The following ZBTB16 variants were observed in gnomAD, a reference collection of about 807,000 sequenced individuals.
ZBTB16 encodes zinc finger and BTB domain containing 16.
In ZBTB16, 8 loss-of-function variants were observed where a neutral mutation model predicts 56.8. The observed-to-expected ratio is 0.14, with a 90% CI of 0.08 to 0.25. The LOEUF (loss-of-function observed/expected upper bound fraction) is 0.25, where lower values mean the gene tolerates loss of function less well. ZBTB16 is among the 10% of genes least tolerant of loss of function. The pLI, the probability that ZBTB16 is intolerant of heterozygous loss-of-function variation, is 1.00. For synonymous variants in ZBTB16, 363 were observed against 368.5 expected (o/e 0.98, Z 0.17); for missense variants, 625 against 903.0 (o/e 0.69, Z 3.95).
intron 2 of ZBTB16, among the ~76,000 whole-genome samples, chr11:114,116,813 G>A (rs1478298034): frequency 6.6e-6 from 1 of 152,186 alleles, no homozygotes; most frequent in East Asian, 1.9e-4. Flanking sequence ...TTTATTCAAT[G>A]AGTGTTTATT....
At chr11:114,153,632 T>TG (rs1200632776) in intron 2 of ZBTB16, among the ~76,000 whole-genome samples, 2 of 152,216 alleles carry the variant, frequency 1.3e-5, no homozygotes, top group African/African-American at 4.8e-5. Flanking sequence ...TTGCTGGGAT[T>TG]GGGTCTAGAG....
intron 4 of ZBTB16, among the ~76,000 whole-genome samples, chr11:114,202,547 G>A (rs1486151366): frequency 6.6e-6 from 1 of 152,144 alleles, no homozygotes; most frequent in Non-Finnish European, 1.5e-5. Context: ...TAGGAAAAAT[G>A]TTTCCCCAAC....
rs567280690 is a variant in ZBTB16, at chr11:114,188,484, G to A, written c.1453+1446G>A. On this transcript the variant is annotated intron_variant, in intron 4 of 6. Transcript: ENST00000335953. ...CTGTTAGAAAAGTGGAGTAATATTAGTGTCTACCTCATAGCATTAGGGTTG... is the reference window on the plus strand; with the variant it reads ...CTGTTAGAAAAGTGGAGTAATATTAATGTCTACCTCATAGCATTAGGGTTG... The A allele has an allele frequency of 2.2e-4, 34 of 152,332 alleles. 1 individual carries two copies. The South Asian group carries it at 2.3e-3, about 10-fold the overall frequency. 9.4% of individuals were successfully genotyped at this position (152,332 alleles called of 1,614,324 possible).
intron 4 of ZBTB16, among the ~76,000 whole-genome samples, chr11:114,204,279 C>T (rs1043446672): frequency 2.6e-5 from 4 of 151,934 alleles, no homozygotes; most frequent in Admixed American, 2.6e-4. Flanking sequence ...TCAGCCTTCA[C>T]AGGCATGCAC....
chr11:114,244,159 T>A (rs1181871720), intron 5 of ZBTB16, among the ~76,000 whole-genome samples: 1 of 152,136 alleles, frequency 6.6e-6, no homozygotes, highest in Non-Finnish European at 1.5e-5. Flanking sequence ...CATCAGCAGC[T>A]GTGTTTGGTA....
In ZBTB16 at chr11:114,071,212, G is replaced by A. The variant is rs77612310; in HGVS notation, c.1268+6644G>A. 6.4e-3 allele frequency among the ~76,000 whole-genome samples: 970 copies of A among 150,910 alleles called. 7 individuals are homozygous for A. Among genetic ancestry groups the A allele is most frequent in the African/African-American group, 0.023 (931 of 41,202 alleles). On this transcript the variant is annotated intron_variant, in intron 2 of 6. Transcript: ENST00000335953. ...ATTGGCAGTTCAGCCAGTTAAGTAG[G>A]GGGTCAGTTTGATTTGATTCTGTGT...
intron 2 of ZBTB16, among the ~76,000 whole-genome samples, chr11:114,148,648 C>A (rs911362952): frequency 2.6e-5 from 4 of 151,352 alleles, no homozygotes; most frequent in African/African-American, 7.3e-5. Context: ...CACCTGCCAC[C>A]ATGCCTGGCT....
intron 2 of ZBTB16, among the ~76,000 whole-genome samples, chr11:114,079,031 T>C (rs577193801): frequency 4.0e-5 from 6 of 151,582 alleles, no homozygotes; most frequent in Middle Eastern, 3.4e-3. Flanking sequence ...GGAAAATTGC[T>C]TGAAGGAGGC....
At chr11:114,205,442 CT>C (rs1162855370) in intron 4 of ZBTB16, among the ~76,000 whole-genome samples, 1 of 152,010 alleles carries the variant, frequency 6.6e-6, no homozygotes, top group Non-Finnish European at 1.5e-5. Context: ...TTCTCTGAAC[CT>C]TAGGAGAAGT....
intron 4 of ZBTB16, among the ~76,000 whole-genome samples, chr11:114,210,196 T>TGTGC (rs1217175270): frequency 6.6e-6 from 1 of 151,154 alleles, no homozygotes; most frequent in Non-Finnish European, 1.5e-5. Flanking sequence ...TGTGTGTGCG[T>TGTGC]GCGCGCGCGT....
At chr11:114,233,032 T>TC (rs5794905) in intron 4 of ZBTB16, among the ~76,000 whole-genome samples, 4 of 122,878 alleles carry the variant, frequency 3.3e-5, no homozygotes, top group Non-Finnish European at 5.1e-5. Context: ...CCCCAACTCA[T>TC]CCCCGGCCCC....
At position 114,256,027 on chromosome 11, in the gene ZBTB16, T is replaced by C. The variant is rs1379533239; in HGVS notation, c.*5472T>C. Reference sequence around the variant, plus strand: ...GAAGTACTTGGTTTTGTTTTGTTTTTTTTTTTTGTTTTTTTTGCCTTTTCT... The same window carrying C: ...GAAGTACTTGGTTTTGTTTTGTTTTCTTTTTTTGTTTTTTTTGCCTTTTCT... On this transcript the variant is annotated 3_prime_UTR_variant, in exon 7 of 7. Transcript: ENST00000335953. Among the ~76,000 whole-genome samples the C allele has an allele frequency of 8.4e-6, 1 of 118,988 alleles. No homozygotes were observed. The highest frequency in any genetic ancestry group is 1.8e-5 in the Non-Finnish European group (1 of 54,388). 78.1% of individuals were successfully genotyped at this position (118,988 alleles called of 152,430 possible).
intron 4 of ZBTB16, among the ~76,000 whole-genome samples, chr11:114,233,875 A>G (rs1944507395): frequency 6.6e-6 from 1 of 152,250 alleles, no homozygotes; most frequent in Non-Finnish European, 1.5e-5. Context: ...CTAAACAAAT[A>G]CACGGTTTTC....
intron 2 of ZBTB16, among the ~76,000 whole-genome samples, chr11:114,080,528 C>T (rs1939723088): frequency 6.6e-6 from 1 of 152,086 alleles, no homozygotes; most frequent in Non-Finnish European, 1.5e-5. Flanking sequence ...GAGTCATTCC[C>T]ATTGAAACCA....
At chr11:114,080,001 A>G (rs978699807) in intron 2 of ZBTB16, among the ~76,000 whole-genome samples, 16 of 152,322 alleles carry the variant, frequency 1.1e-4, no homozygotes, top group Middle Eastern at 3.4e-3. Flanking sequence ...TTAAAAGAAC[A>G]GAAAAGAAAA....
In ZBTB16 at chr11:114,087,138, C is replaced by T. The variant is rs76993871; in HGVS notation, c.1268+22570C>T. 2.6e-4 allele frequency among the ~76,000 whole-genome samples: 40 copies of T among 152,304 alleles called. No individual in the cohort carries two copies. The East Asian group carries it at 7.4e-3, about 28-fold the overall frequency. On this transcript the variant is annotated intron_variant, in intron 2 of 6. Coordinates refer to ENST00000335953, the MANE Select transcript of ZBTB16 (RefSeq NM_006006.6). ...AGTCTGTTTCATCATCTGCAAAATGCTGGTAGTTTCTCTTCTCACGGGAAA... is the reference window on the plus strand; with the variant it reads ...AGTCTGTTTCATCATCTGCAAAATGTTGGTAGTTTCTCTTCTCACGGGAAA...
chr11:114,195,550 G>A (rs1430870108), intron 4 of ZBTB16, among the ~76,000 whole-genome samples: 1 of 152,198 alleles, frequency 6.6e-6, no homozygotes, highest in East Asian at 1.9e-4. Flanking sequence ...ACAGAGTGGT[G>A]CAGGTTTGTC....
chr11:114,249,960 C>CT (rs1191825878), intron 6 of ZBTB16, among the ~76,000 whole-genome samples: 1 of 151,990 alleles, frequency 6.6e-6, no homozygotes, highest in Non-Finnish European at 1.5e-5. Context: ...ACTTTGGGGC[C>CT]TTTCTCTTTC....
Position 114,060,955 on chromosome 11 carries a change from C to T in ZBTB16, c.-91+1073C>T, listed in dbSNP as rs1203386368. Among the ~76,000 whole-genome samples, 1 of 152,132 alleles carries T rather than the reference C, an allele frequency of 6.6e-6. No homozygotes were observed. The highest frequency in any genetic ancestry group is 2.4e-5 in the African/African-American group (1 of 41,442). On this transcript the variant is annotated intron_variant, in intron 1 of 6. Transcript: ENST00000335953. This position sits in a 1 kb window ranked among gnomAD's most constrained non-coding sequence, Gnocchi z 6.0. ...TTTGTGCTTCCCCTTCGCCGCGGGGCGGGTCCGCCTCCCCTGCCGCTCTCG... is the reference window on the plus strand; with the variant it reads ...TTTGTGCTTCCCCTTCGCCGCGGGGTGGGTCCGCCTCCCCTGCCGCTCTCG...
Sources: gnomAD v4.1 joint callset for allele counts (sites outside exome capture counted in the v4.1 genomes callset) on GRCh38, gnomAD v4.1.1 for gene constraint, Gnocchi (gnomAD v3.1) non-coding constraint, MANE v1.5 for transcripts, NCBI Gene and HGNC (gene_info 2026-07-23, HGNC 2026-07-21) for gene names.